The following UTRN variants were observed in gnomAD, a reference collection of about 807,000 sequenced individuals.
UTRN encodes the protein utrophin, also known as dystrophin-related protein 1.
Under a neutral mutation model 463.9 loss-of-function variants are expected in UTRN, and 283 were observed. The ratio of observed to expected loss-of-function variants is 0.61; its 90% CI spans 0.55 to 0.67. The LOEUF (loss-of-function observed/expected upper bound fraction) is 0.67, where lower values mean the gene tolerates loss of function less well. Among genes scored for constraint, UTRN ranks in the 30% least tolerant of loss-of-function variants. UTRN has a pLI of 0.00. For missense variants in UTRN, 3,922 were observed against 4,084.3 expected, an observed-to-expected ratio of 0.96 and a Z score of 1.08; for synonymous variants, 1,442 against 1,431.5, an observed-to-expected ratio of 1.01 and a Z score of -0.17.
intron 51 of UTRN, among the ~76,000 whole-genome samples, chr6:144,580,228 G>A (rs1012048016): frequency 1.6e-5 from 2 of 128,412 alleles, no homozygotes; most frequent in African/African-American, 3.3e-5. Flanking sequence ...TGGCAGTGGT[G>A]GTGGTGGTGC....
rs114165508 is a variant in UTRN at position 144,442,699 on chromosome 6, G to A, written c.1513-1582G>A. Among the ~76,000 whole-genome samples the A allele has an allele frequency of 8.0e-3, 1,219 of 152,166 alleles. 15 individuals are homozygous for A. Among genetic ancestry groups the A allele is most frequent in the African/African-American group, 0.026 (1,068 of 41,532 alleles). On this transcript the variant is annotated intron_variant, in intron 13 of 74. Coordinates refer to ENST00000367545, the MANE Select transcript of UTRN (RefSeq NM_007124.3). ...TATTCACTATAATGAGAACAGCATG[G>A]GAAAGATCTGCCCCCATGCTTCAAT...
chr6:144,811,182 G>GA (rs1352599605), intron 65 of UTRN, among the ~76,000 whole-genome samples: 13 of 151,740 alleles, frequency 8.6e-5, no homozygotes, highest in African/African-American at 2.4e-4. Flanking sequence ...AAAGAACAAA[G>GA]AAAAAAATCT....
chr6:144,470,240 C>A (rs1424167602), intron 23 of UTRN, among the ~76,000 whole-genome samples: 1 of 152,222 alleles, frequency 6.6e-6, no homozygotes, highest in Non-Finnish European at 1.5e-5. Context: ...GGGGTGGCGG[C>A]CGGGCAGAGG....
intron 2 of UTRN, among the ~76,000 whole-genome samples, chr6:144,302,509 C>CAAAAAAAAAAAA (rs57789741): frequency 6.5e-5 from 9 of 139,154 alleles, no homozygotes; most frequent in Non-Finnish European, 6.0e-5. Context: ...GACTCTGTCT[C>CAAAAAAAAAAAA]AAAAAAAAAG....
At chr6:144,439,446 G>C (rs1166167535) in intron 12 of UTRN, among the ~76,000 whole-genome samples, 1 of 152,138 alleles carries the variant, frequency 6.6e-6, no homozygotes, top group Non-Finnish European at 1.5e-5. Flanking sequence ...ACACAACTCT[G>C]AGAAGCATTT....
chr6:144,466,153 C>T (rs1238462300), intron 23 of UTRN, among the ~76,000 whole-genome samples: 1 of 152,238 alleles, frequency 6.6e-6, no homozygotes, highest in African/African-American at 2.4e-5. Context: ...GATATTGGAA[C>T]TCTGTGAAGG....
intron 65 of UTRN, among the ~76,000 whole-genome samples, chr6:144,803,550 C>T (rs889332264): frequency 6.6e-6 from 1 of 151,908 alleles, no homozygotes; most frequent in Non-Finnish European, 1.5e-5. Flanking sequence ...AAACTACCTT[C>T]TAATTTTTCC....
intron 72 of UTRN, 122 bp downstream of exon 72, chr6:144,839,406 T>A: frequency 1.4e-6 from 1 of 699,764 alleles, no homozygotes; most frequent in Non-Finnish European, 2.3e-6. Context: ...GAGTTTTTTG[T>A]ATTTGGTCTT....
rs148961963 is a variant in UTRN, at chr6:144,534,636, G to T, written c.6233+1376G>T. On this transcript the variant is annotated intron_variant, in intron 43 of 74. Coordinates refer to ENST00000367545, the MANE Select transcript of UTRN (RefSeq NM_007124.3). ...TTCTCTAAGCATATTGCTGAATTTT[G>T]CCAATGATTGATTAATGACTTGATC... Among the ~76,000 whole-genome samples the T allele has an allele frequency of 3.9e-3, 593 of 152,262 alleles. 3 individuals carry two copies. Among genetic ancestry groups the T allele is most frequent in the African/African-American group, 0.012 (488 of 41,552 alleles).
chr6:144,743,398 A>G (rs1447494846), intron 54 of UTRN, among the ~76,000 whole-genome samples: 1 of 152,254 alleles, frequency 6.6e-6, no homozygotes, highest in East Asian at 1.9e-4. Flanking sequence ...TAAAATTTAA[A>G]AAATAGCTTT....
rs766078413 is a variant in UTRN, at chr6:144,474,669, T to A, written c.3246T>A (p.Asn1082Lys). The A allele has an allele frequency of 1.9e-5, 30 of 1,613,876 alleles. No homozygotes were observed. The African/African-American group carries it at 3.3e-4, about 18-fold the overall frequency. The change falls in exon 25 of 75, where the codon AAT becomes AAA. Residue 1082 changes from asparagine to lysine, a missense_variant. Physicochemically the swap from Asn to Lys is moderately conservative, Grantham distance 94. Coordinates refer to ENST00000367545, the MANE Select transcript of UTRN (RefSeq NM_007124.3). ...SLKNMKEIET[N>K]LRSGPVAGIK... ...AAAACATGAAGGAAATAGAGACTAA[T>A]CTTCGAAGTGGTCCAGTTGCTGGAA...
chr6:144,487,911 T>G (rs574268135), intron 29 of UTRN, among the ~76,000 whole-genome samples: 1 of 152,362 alleles, frequency 6.6e-6, no homozygotes, highest in South Asian at 2.1e-4. Flanking sequence ...AAAAAAATTA[T>G]TTTTGAGATT....
At chr6:144,762,597 T>C (rs536754805) in intron 58 of UTRN, among the ~76,000 whole-genome samples, 5 of 152,170 alleles carry the variant, frequency 3.3e-5, no homozygotes, top group Non-Finnish European at 7.3e-5. Context: ...GGTCTGGTAA[T>C]GGACAAAGGT....
intron 34 of UTRN, among the ~76,000 whole-genome samples, chr6:144,500,868 A>C (rs1367089593): frequency 6.6e-6 from 1 of 152,224 alleles, no homozygotes; most frequent in African/African-American, 2.4e-5. Context: ...CTGTTTTCCT[A>C]AATCTCTTTC....
chr6:144,798,124 T>A, intron 64 of UTRN, 134 bp downstream of exon 64: 1 of 1,175,480 alleles, frequency 8.5e-7, no homozygotes, highest in Non-Finnish European at 1.2e-6. Context: ...TCAGTATGTC[T>A]CATCTATCTA....
intron 51 of UTRN, among the ~76,000 whole-genome samples, chr6:144,636,407 G>A (rs1285442389): frequency 2.6e-5 from 4 of 152,126 alleles, no homozygotes; most frequent in Admixed American, 2.0e-4. Context: ...GGGGGGCTAG[G>A]GGAGGGAGAG....
intron 2 of UTRN, among the ~76,000 whole-genome samples, chr6:144,385,706 A>AT (rs60221098): frequency 0.09 from 12,833 of 142,374 alleles, 1,092 homozygotes; most frequent in African/African-American, 0.22. Flanking sequence ...CCAGAACTCT[A>AT]TTTTTTTTTT....
intron 66 of UTRN, among the ~76,000 whole-genome samples, chr6:144,826,003 G>T (rs79571816): frequency 2.5e-5 from 3 of 120,500 alleles, no homozygotes; most frequent in Non-Finnish European, 5.0e-5. Flanking sequence ...GTTGTGGGGT[G>T]GGGGGAGGGG....
At chr6:144,351,158 T>C (rs1778076356) in intron 2 of UTRN, among the ~76,000 whole-genome samples, 1 of 152,208 alleles carries the variant, frequency 6.6e-6, no homozygotes, top group South Asian at 2.1e-4. Context: ...TTTGGGGCTG[T>C]TGTCAGTCTT....
Sources: gnomAD v4.1 joint callset for allele counts (sites outside exome capture counted in the v4.1 genomes callset) on GRCh38, gnomAD v4.1.1 for gene constraint, MANE v1.5 for transcripts, NCBI Gene and HGNC (gene_info 2026-07-23, HGNC 2026-07-21) for gene names.